Variants in ARID1B observed in about 807,000 individuals in gnomAD.
The protein encoded by ARID1B is AT-rich interactive domain-containing protein 1B.
Under a neutral mutation model 212.3 loss-of-function variants are expected in ARID1B, and 30 were observed. The ratio of observed to expected loss-of-function variants is 0.14; its 90% confidence interval spans 0.11 to 0.19. ARID1B has a LOEUF of 0.19. ARID1B is among the 10% of genes least tolerant of loss of function. ARID1B has a pLI of 1.00. For missense variants in ARID1B, 2,891 were observed against 3,204.0 expected (o/e 0.90, Z 2.36); for synonymous variants, 1,402 against 1,301.7 (o/e 1.08, Z -1.66).
chr6:157,042,651 C>T (rs1048709529), intron 4 of ARID1B, among the ~76,000 whole-genome samples: 5 of 147,480 alleles, frequency 3.4e-5, no homozygotes, highest in African/African-American at 1.0e-4. Flanking sequence ...CACAGGAGCC[C>T]TCCACTCCTT....
intron 4 of ARID1B, among the ~76,000 whole-genome samples, chr6:156,952,857 G>C (rs1315704193): frequency 6.6e-6 from 1 of 152,222 alleles, no homozygotes; most frequent in Admixed American, 6.5e-5. Context: ...GGCCAGGCTA[G>C]TCATTTATGA....
chr6:156,968,099 C>A (rs192312002), intron 4 of ARID1B, among the ~76,000 whole-genome samples: 2 of 152,212 alleles, frequency 1.3e-5, no homozygotes, highest in Non-Finnish European at 2.9e-5. Context: ...TTCATGTAGC[C>A]ACTGTCCTTG....
chr6:156,779,071 G>A lies in ARID1B; in HGVS notation c.1391G>A (p.Gly464Asp). The A allele has an allele frequency of 8.2e-7, 1 of 1,225,258 alleles. No individual in the cohort carries two copies. Among genetic ancestry groups the A allele is most frequent in the African/African-American group, 1.6e-5 (1 of 62,680 alleles). 75.9% of individuals were successfully genotyped at this position (1,225,258 alleles called of 1,614,324 possible). A position where few individuals can be genotyped will look rare whatever the true frequency, so the allele number is the denominator to read the frequency against. ...CAGCAGGGCGGCGGCATGATGATGGGCCCCGGGGGCGGCGGGGCCGCGAGC... is the reference window on the plus strand; with the variant it reads ...CAGCAGGGCGGCGGCATGATGATGGACCCCGGGGGCGGCGGGGCCGCGAGC... ...PRQQGGGMMM[G>D]PGGGGAASLS... The change falls in exon 1 of 20, where the codon GGC becomes GAC. Residue 464 changes from glycine (G) to aspartate (D), a missense_variant. By Grantham distance (94) the Gly-to-Asp change is moderately conservative. Around this residue, in one of 7 missense-constraint regions of ARID1B, gnomAD observed 1,643 missense variants for 1,544.0 expected, o/e 1.06. Coordinates refer to ENST00000636930, the MANE Select transcript of ARID1B (RefSeq NM_001374828.1).
intron 9 of ARID1B, chr6:157,169,060 A>G (rs996386475): frequency 2.6e-5 from 4 of 151,630 alleles, no homozygotes; most frequent in Admixed American, 6.6e-5. Flanking sequence ...GACAGGAGTG[A>G]CGCAGAGCGT....
At position 157,208,960 on chromosome 6, in the gene ARID1B, T is replaced by C. The variant is rs768872927; in HGVS notation, c.*1069T>C. On this transcript the variant is annotated 3_prime_UTR_variant, in exon 20 of 20. Coordinates refer to ENST00000636930, the MANE Select transcript of ARID1B (RefSeq NM_001374828.1). ...AGGAGAGCAGCTGATCACAATTTGC[T>C]TCATGAATCAAGGTGTGGAAATGGT... 2 of 230,494 alleles carry C rather than the reference T, an allele frequency of 8.7e-6. No individual in the cohort carries two copies. Among genetic ancestry groups the C allele is most frequent in the Admixed American group, 5.7e-5 (1 of 17,664 alleles). 14.3% of individuals were successfully genotyped at this position (230,494 alleles called of 1,614,324 possible). A position where few individuals can be genotyped will look rare whatever the true frequency, so the allele number is the denominator to read the frequency against.
chr6:156,879,536 G>C (rs1048074182), intron 2 of ARID1B, among the ~76,000 whole-genome samples: 1 of 152,208 alleles, frequency 6.6e-6, no homozygotes, highest in Admixed American at 6.5e-5. Context: ...GTAGAAGCCA[G>C]ATAGATGAGC....
chr6:157,063,274 G>A (rs1388012893), intron 4 of ARID1B, among the ~76,000 whole-genome samples: 1 of 152,076 alleles, frequency 6.6e-6, no homozygotes, highest in Non-Finnish European at 1.5e-5. Context: ...GGCAGCTGGG[G>A]GGCTAACATT....
At chr6:156,812,727 C>T (rs1374470489) in intron 1 of ARID1B, among the ~76,000 whole-genome samples, 13 of 151,842 alleles carry the variant, frequency 8.6e-5, no homozygotes, top group Non-Finnish European at 1.8e-4. Context: ...ATGTAAGTTT[C>T]CTTACACCCC....
chr6:156,893,045 C>CTTTTCTTTTTTTTT (rs1554263985), intron 2 of ARID1B, among the ~76,000 whole-genome samples: 2 of 85,924 alleles, frequency 2.3e-5, no homozygotes, highest in African/African-American at 9.4e-5. Context: ...TTTTTTCTTC[C>CTTTTCTTTTTTTTT]TTTTTTTTTT....
At chr6:156,946,837 A>T (rs1265485202) in intron 4 of ARID1B, among the ~76,000 whole-genome samples, 1 of 151,828 alleles carries the variant, frequency 6.6e-6, no homozygotes, top group African/African-American at 2.4e-5. Flanking sequence ...TTATGAGAGT[A>T]AAGCAAGTCC....
chr6:156,803,239 A>T (rs1780914116), intron 1 of ARID1B, among the ~76,000 whole-genome samples: 1 of 152,204 alleles, frequency 6.6e-6, no homozygotes, highest in South Asian at 2.1e-4. Context: ...CTTTTCAATG[A>T]AGATTTAAGA....
chr6:156,797,202 A>G (rs533834894), intron 1 of ARID1B, among the ~76,000 whole-genome samples: 3 of 152,338 alleles, frequency 2.0e-5, no homozygotes, highest in Non-Finnish European at 2.9e-5. Context: ...GACAAAACCT[A>G]GTCCCTACTT....
At chr6:157,144,549 G>A (rs1400410353) in intron 7 of ARID1B, among the ~76,000 whole-genome samples, 2 of 152,214 alleles carry the variant, frequency 1.3e-5, no homozygotes, top group African/African-American at 4.8e-5. Context: ...AAGGAGCACT[G>A]TATTTCACTG....
chr6:156,977,283 TC>T (rs1777312566), intron 4 of ARID1B, among the ~76,000 whole-genome samples: 2 of 149,066 alleles, frequency 1.3e-5, no homozygotes, highest in Non-Finnish European at 1.5e-5. Flanking sequence ...TCCTGTCTCC[TC>T]TTTTTTTTTT....
intron 4 of ARID1B, among the ~76,000 whole-genome samples, chr6:157,031,237 G>A (rs1780999410): frequency 6.6e-6 from 1 of 152,156 alleles, no homozygotes; most frequent in African/African-American, 2.4e-5. Flanking sequence ...TGGTTTTGGA[G>A]AGCAGTTTAT....
intron 7 of ARID1B, among the ~76,000 whole-genome samples, chr6:157,135,784 G>T (rs1788862300): frequency 6.6e-6 from 1 of 151,946 alleles, no homozygotes; most frequent in Non-Finnish European, 1.5e-5. Flanking sequence ...CTAATAAAGG[G>T]TTTTTTTTCT....
In ARID1B at chr6:157,206,470, A is replaced by C. The variant is rs387907143; in HGVS notation, c.5698A>C (p.Lys1900Gln). The stretch of plus-strand genomic sequence containing the variant: ...GGACGCCGCTGCAGACCCAAAGGAG[A>C]AGCCCAAGCAAGCCAGTAAGTTCGA... ...APDAAADPKE[K>Q]PKQASKFDKL... The change falls in exon 20 of 20, where the codon AAG becomes CAG. Residue 1900 changes from lysine to glutamine, a missense_variant. By Grantham distance (53) the Lys-to-Gln change is moderately conservative (BLOSUM62 1). Around this residue, in one of 7 missense-constraint regions of ARID1B, gnomAD observed 332 missense variants for 369.2 expected, o/e 0.90. Coordinates refer to ENST00000636930, the MANE Select transcript of ARID1B (RefSeq NM_001374828.1). This position sits in a 1 kb window ranked among gnomAD's most constrained non-coding sequence, Gnocchi z 6.8. 2 of 1,614,104 alleles carry C rather than the reference A, an allele frequency of 1.2e-6. No individual in the cohort carries two copies. Among genetic ancestry groups the C allele is most frequent in the South Asian group, 2.2e-5 (2 of 91,084 alleles).
chr6:157,155,424 C>T (rs537991453), intron 8 of ARID1B, among the ~76,000 whole-genome samples: 1 of 151,860 alleles, frequency 6.6e-6, no homozygotes, highest in South Asian at 2.1e-4. Flanking sequence ...CTGAGAGAGC[C>T]CTTCGTGGAC....
intron 1 of ARID1B, among the ~76,000 whole-genome samples, chr6:156,821,970 G>C (rs1457964045): frequency 1.3e-5 from 2 of 152,038 alleles, no homozygotes; most frequent in African/African-American, 4.8e-5. Flanking sequence ...ATGGTTCTTA[G>C]AGTTAGTAAC....
Sources: gnomAD v4.1 joint callset for allele counts (sites outside exome capture counted in the v4.1 genomes callset) on GRCh38, gnomAD v4.1.1 for gene constraint, gnomAD v4.1.1 regional missense constraint, Gnocchi (gnomAD v3.1) non-coding constraint, MANE v1.5 for transcripts, NCBI Gene and HGNC (gene_info 2026-07-23, HGNC 2026-07-21) for gene names.